CCNYL1: variants seen among roughly 807,000 people sequenced by gnomAD.
CCNYL1 encodes the protein cyclin-Y-like protein 1.
In CCNYL1, 16 loss-of-function variants were observed where a neutral mutation model predicts 44.2. The observed-to-expected ratio is 0.36, with a 90% CI of 0.25 to 0.55. The LOEUF is 0.55. CCNYL1 is among the 20% of genes least tolerant of loss of function. The probability of loss-of-function intolerance (pLI) is 0.85; values close to 1 mark genes in which losing one functional copy is unlikely to be tolerated. For missense variants in CCNYL1, 348 were observed against 451.8 expected (o/e 0.77, Z 2.08); for synonymous variants, 159 against 163.2 (o/e 0.97, Z 0.20).
intron 6 of CCNYL1, 145 bp downstream of exon 6, chr2:207,740,851 G>A (rs1575219975): frequency 1.6e-6 from 1 of 620,004 alleles, no homozygotes; most frequent in East Asian, 2.9e-5. Flanking sequence ...CAATTAAAAT[G>A]GTGTAAACAT....
At chr2:207,745,967 C>T (rs2091852108) in intron 7 of CCNYL1, among the ~76,000 whole-genome samples, 1 of 152,204 alleles carries the variant, frequency 6.6e-6, no homozygotes, top group African/African-American at 2.4e-5. Flanking sequence ...TATAGACATA[C>T]TCTTCCACAG....
At chr2:207,742,875 A>G (rs1559171653) in intron 7 of CCNYL1, among the ~76,000 whole-genome samples, 1 of 152,210 alleles carries the variant, frequency 6.6e-6, no homozygotes, top group Non-Finnish European at 1.5e-5. Context: ...GGTACCAGCA[A>G]TACTTGGACA....
chr2:207,725,634 T>A (rs2091674403), intron 2 of CCNYL1, among the ~76,000 whole-genome samples: 1 of 152,226 alleles, frequency 6.6e-6, no homozygotes, highest in Non-Finnish European at 1.5e-5. Flanking sequence ...ACATTCAAAT[T>A]TATGCTACTC....
At chr2:207,728,065 G>A (rs935234048) in intron 3 of CCNYL1, among the ~76,000 whole-genome samples, 6 of 151,484 alleles carry the variant, frequency 4.0e-5, no homozygotes, top group African/African-American at 1.5e-4. Context: ...CCGGGTTCAA[G>A]CGATTCTCCT....
At chr2:207,727,739 C>T (rs1319495480) in intron 3 of CCNYL1, among the ~76,000 whole-genome samples, 2 of 152,166 alleles carry the variant, frequency 1.3e-5, no homozygotes, top group Non-Finnish European at 2.9e-5. Flanking sequence ...TTTCCTAAGA[C>T]TGTTCTGTGC....
At chr2:207,735,035 T>C (rs985672339) in intron 4 of CCNYL1, among the ~76,000 whole-genome samples, 1 of 152,226 alleles carries the variant, frequency 6.6e-6, no homozygotes, top group African/African-American at 2.4e-5. Context: ...TGGCTTCTTT[T>C]GAATTCAAAA....
chr2:207,740,345 A>T (rs900946498), intron 5 of CCNYL1, among the ~76,000 whole-genome samples: 1 of 152,178 alleles, frequency 6.6e-6, no homozygotes, highest in Non-Finnish European at 1.5e-5. Flanking sequence ...TTGAGTTCCA[A>T]TGAGGGGTTA....
intron 9 of CCNYL1, among the ~76,000 whole-genome samples, chr2:207,751,466 TC>T (rs1264287029): frequency 8.5e-5 from 13 of 152,334 alleles, no homozygotes; most frequent in African/African-American, 2.9e-4. Flanking sequence ...ATGTCTGTAA[TC>T]CCAGCACTTT....
chr2:207,732,554 C>CG (rs1227276958), intron 3 of CCNYL1, among the ~76,000 whole-genome samples: 1 of 151,756 alleles, frequency 6.6e-6, no homozygotes, highest in African/African-American at 2.4e-5. Context: ...ATGGTAAAAA[C>CG]TATCATATTA....
chr2:207,742,491 G>C, intron 7 of CCNYL1, 149 bp downstream of exon 7: 1 of 728,770 alleles, frequency 1.4e-6, no homozygotes, highest in Non-Finnish European at 2.2e-6. Flanking sequence ...GTACATTCGC[G>C]TTTAATCATC....
At chr2:207,730,095 T>C (rs2091715647) in intron 3 of CCNYL1, among the ~76,000 whole-genome samples, 1 of 152,200 alleles carries the variant, frequency 6.6e-6, no homozygotes, top group Non-Finnish European at 1.5e-5. Flanking sequence ...GCATGGCTGC[T>C]CATTTTCCAG....
chr2:207,717,630 C>T (rs2091607138), intron 1 of CCNYL1, among the ~76,000 whole-genome samples: 2 of 152,162 alleles, frequency 1.3e-5, no homozygotes, highest in South Asian at 4.1e-4. Context: ...CTTACGTGAC[C>T]TGTGAGCAGT....
chr2:207,715,640 A>G (rs1440328479), intron 1 of CCNYL1, among the ~76,000 whole-genome samples: 3 of 151,038 alleles, frequency 2.0e-5, no homozygotes, highest in Non-Finnish European at 2.9e-5. Context: ...TTGGCCTCCC[A>G]AAGTGCTGGG....
At chr2:207,712,859 A>G (rs565408019) in intron 1 of CCNYL1, among the ~76,000 whole-genome samples, 1 of 152,304 alleles carries the variant, frequency 6.6e-6, no homozygotes, top group East Asian at 1.9e-4. Context: ...TCGCCCGCCC[A>G]GGCTGGAGTG....
At chr2:207,736,985 G>T (rs917252656) in intron 4 of CCNYL1, among the ~76,000 whole-genome samples, 1 of 150,842 alleles carries the variant, frequency 6.6e-6, no homozygotes, top group Non-Finnish European at 1.5e-5. Flanking sequence ...GCACGATCTC[G>T]GCTCACTGCA....
Position 207,747,209 on chromosome 2 carries a change from G to T in CCNYL1, c.802G>T (p.Asp268Tyr). ...GATCCTCAAGGACATTACAGTTGAG[G>T]ACATGTGAGTTTGTAAGGTTTTGGT... ...CQILKDITVE[D>Y]MNEMERHFLE... Residue 268 changes from aspartate to tyrosine, a missense_variant, in exon 8 of 10, where the codon GAC becomes TAC. Physicochemically the swap from Asp to Tyr is radical, Grantham distance 160. Around this residue, in one of 3 missense-constraint regions of CCNYL1, gnomAD observed 45 missense variants for 101.7 expected, o/e 0.44. Coordinates refer to ENST00000295414, the MANE Select transcript of CCNYL1 (RefSeq NM_001330218.2). 1 of 1,602,396 alleles carries T rather than the reference G, an allele frequency of 6.2e-7. No homozygotes were observed. The highest frequency in any genetic ancestry group is 8.5e-7 in the Non-Finnish European group (1 of 1,171,694).
intron 3 of CCNYL1, among the ~76,000 whole-genome samples, chr2:207,730,039 G>T (rs1181594759): frequency 6.6e-6 from 1 of 152,100 alleles, no homozygotes. Context: ...AGACTGTTCA[G>T]TTTCTTCAGA....
Position 207,711,831 on chromosome 2 carries a change from C to A in CCNYL1, c.-66C>A, listed in dbSNP as rs1402152972. 5.4e-6 allele frequency: 6 copies of A among 1,117,266 alleles called. No homozygotes were observed. Among genetic ancestry groups the A allele is most frequent in the Non-Finnish European group, 7.1e-6 (6 of 848,010 alleles). The allele number at this position is 1,117,266 out of a possible 1,614,324, so 69.2% of individuals were successfully genotyped here. A position where few individuals can be genotyped will look rare whatever the true frequency, so the allele number is the denominator to read the frequency against. ...GCCGCGCCATTGTTGGGGGAGGGGGCGGCTGTTGAGGGCGGCGGAGTAGGG... is the reference window on the plus strand; with the variant it reads ...GCCGCGCCATTGTTGGGGGAGGGGGAGGCTGTTGAGGGCGGCGGAGTAGGG... On this transcript the variant is annotated 5_prime_UTR_variant, in exon 1 of 10. Transcript: ENST00000295414.
At chr2:207,738,717 TC>T (rs2091784344) in intron 5 of CCNYL1, among the ~76,000 whole-genome samples, 1 of 2,160 alleles carries the variant, frequency 4.6e-4, no homozygotes, top group African/African-American at 5.1e-4. Flanking sequence ...ATCTCTTCTT[TC>T]TTTTTTTTTT....
Sources: gnomAD v4.1 joint callset for allele counts (sites outside exome capture counted in the v4.1 genomes callset) on GRCh38, gnomAD v4.1.1 for gene constraint, gnomAD v4.1.1 regional missense constraint, MANE v1.5 for transcripts, NCBI Gene and HGNC (gene_info 2026-07-23, HGNC 2026-07-21) for gene names.